FUT6: variants seen among roughly 807,000 people sequenced by gnomAD.
The protein encoded by FUT6 is fucosyltransferase 6.
For synonymous variants in FUT6, 187 were observed against 209.9 expected (o/e 0.89, Z 0.94); for missense variants, 454 against 494.6 (o/e 0.92, Z 0.78).
chr19:5,831,785 C>G lies in FUT6; in HGVS notation c.783G>C (p.Arg261Ser). 2 of 1,613,768 alleles carry G rather than the reference C, an allele frequency of 1.2e-6. No individual in the cohort carries two copies. The highest frequency in any genetic ancestry group is 4.5e-5 in the East Asian group (2 of 44,864). The part of the protein sequence containing the change: ...HPDYITEKLW[R>S]NALEAWAVPV... ...GCACGGCCCAGGCCTCCAGGGCGTT[C>G]CTCCACAGCTTCTCGGTGATGTAGT... Residue 261 changes from arginine to serine, a missense_variant, in exon 3 of 3, where the codon AGG (arginine) becomes AGC (serine). Coordinates refer to ENST00000318336, the MANE Select transcript of FUT6 (RefSeq NM_000150.4). This position sits in a 1 kb window ranked among gnomAD's most constrained non-coding sequence, Gnocchi z 7.0.
chr19:5,830,502 G>A lies in FUT6; in HGVS notation c.*986C>T, dbSNP rs2057073901. 1 of 150,740 alleles carries A rather than the reference G, an allele frequency of 6.6e-6. No individual in the cohort carries two copies. The highest frequency in any genetic ancestry group is 2.5e-5 in the African/African-American group (1 of 40,794). The allele number at this position is 150,740 out of a possible 1,614,324, so 9.3% of individuals were successfully genotyped here. On this transcript the variant is annotated 3_prime_UTR_variant, in exon 3 of 3. Transcript: ENST00000318336. ...GGTTGGAGTGCAGTGGTGCGATCAT[G>A]GCTCCCTACAACATCTGCCTCCTGG...
In FUT6 at chr19:5,831,565, C is replaced by T. The variant is rs748287855; in HGVS notation, c.1003G>A (p.Ala335Thr). The change falls in exon 3 of 3, where the codon GCT becomes ACT. Residue 335 changes from alanine (A) to threonine (T), a missense_variant. Transcript: ENST00000318336. This position sits in a 1 kb window ranked among gnomAD's most constrained non-coding sequence, Gnocchi z 7.0. ...LRPRSFSWAL[A>T]FCKACWKLQE... ...AGTTTCCAGCAGGCCTTGCAGAAAG[C>T]GAGTGCCCAGCTGAAGGAGCGAGGC... 2.6e-5 allele frequency: 42 copies of T among 1,614,044 alleles called. No individual in the cohort carries two copies. Among genetic ancestry groups the T allele is most frequent in the Non-Finnish European group, 2.8e-5 (33 of 1,180,024 alleles).
At position 5,831,583 on chromosome 19, in the gene FUT6, A is replaced by G. The variant is rs774957163; in HGVS notation, c.985T>C (p.Ser329Pro). ...CAGAAAGCGAGTGCCCAGCTGAAGGAGCGAGGCCGCAGCGTCTCCCGCCAG... is the reference window on the plus strand; with the variant it reads ...CAGAAAGCGAGTGCCCAGCTGAAGGGGCGAGGCCGCAGCGTCTCCCGCCAG... The part of the protein sequence containing the change: ...FRWRETLRPR[S>P]FSWALAFCKA... Residue 329 changes from serine to proline, a missense_variant, in exon 3 of 3, where the codon TCC becomes CCC. Physicochemically the swap from Ser to Pro is moderately conservative, Grantham distance 74. Coordinates refer to ENST00000318336, the MANE Select transcript of FUT6 (RefSeq NM_000150.4). This position sits in a 1 kb window ranked among gnomAD's most constrained non-coding sequence, Gnocchi z 7.0. 1 of 1,614,080 alleles carries G rather than the reference A, an allele frequency of 6.2e-7. No individual in the cohort carries two copies. The highest frequency in any genetic ancestry group is 1.1e-5 in the South Asian group (1 of 91,088).
rs62110261 is a variant in FUT6, at chr19:5,831,689, G to C, written c.879C>G (p.Asp293Glu). 6.2e-7 allele frequency: 1 copy of C among 1,607,652 alleles called. No homozygotes were observed. Among genetic ancestry groups the C allele is most frequent in the South Asian group, 1.1e-5 (1 of 90,718 alleles). The change falls in exon 3 of 3, where the codon GAC becomes GAG. Residue 293 changes from aspartate (D) to glutamate (E), a missense_variant. Physicochemically the swap from Asp to Glu is conservative, Grantham distance 45. Transcript: ENST00000318336. The surrounding 1 kb of genome is among the most constrained non-coding windows in gnomAD (Gnocchi z 7.0). ...FLPPDAFIHV[D>E]DFQSPKDLAR... The stretch of plus-strand genomic sequence containing the variant: ...CCAGGTCCTTGGGGCTCTGGAAGTC[G>C]TCCACGTGGATGAAGGCGTCGGGTG...
chr19:5,835,666 G>A (rs12019136), intron 1 of FUT6, among the ~76,000 whole-genome samples: 17,142 of 151,988 alleles, frequency 0.11, 1,835 homozygotes, highest in African/African-American at 0.28. Context: ...CCAGCTACTC[G>A]GGAGGCTGAG....
In FUT6 at chr19:5,831,626, G is replaced by T; in HGVS notation, c.942C>A (p.Arg314=). Residue 314 remains arginine (R), a synonymous_variant, in exon 3 of 3, where the codon CGC becomes CGA. Transcript: ENST00000318336. The surrounding 1 kb of genome is among the most constrained non-coding windows in gnomAD (Gnocchi z 7.0). The part of the protein sequence containing the change: ...YLQELDKDHA[R]YLSYFRWRET... Reference sequence around the variant, plus strand: ...CCCGCCAGCGAAAGTAGCTCAGGTAGCGGGCGTGGTCCTTGTCCAGCTCCT... The same window carrying T: ...CCCGCCAGCGAAAGTAGCTCAGGTATCGGGCGTGGTCCTTGTCCAGCTCCT... 1 of 1,613,718 alleles carries T rather than the reference G, an allele frequency of 6.2e-7. No individual in the cohort carries two copies. The highest frequency in any genetic ancestry group is 1.1e-5 in the South Asian group (1 of 91,062).
intron 2 of FUT6, among the ~76,000 whole-genome samples, chr19:5,834,119 G>A (rs113180603): frequency 0.043 from 6,454 of 149,112 alleles, 453 homozygotes; most frequent in African/African-American, 0.15. Flanking sequence ...GTGACAGAGC[G>A]AGACCCTGTC....
At position 5,831,502 on chromosome 19, in the gene FUT6, C is replaced by T; in HGVS notation, c.1066G>A (p.Ala356Thr). 6.2e-7 allele frequency: 1 copy of T among 1,614,076 alleles called. No individual in the cohort carries two copies. The highest frequency in any genetic ancestry group is 8.5e-7 in the Non-Finnish European group (1 of 1,180,044). ...ACACCAGCCTCTCAGGTGAACCAAG[C>T]CGCTATGCCGCGTGTCTGGTACCTG... ...ESRYQTRGIA[A>T]WFT The change falls in exon 3 of 3, where the codon GCT becomes ACT. Residue 356 changes from alanine (A) to threonine (T), a missense_variant. By Grantham distance (58) the Ala-to-Thr change is moderately conservative. Coordinates refer to ENST00000318336, the MANE Select transcript of FUT6 (RefSeq NM_000150.4). The surrounding 1 kb of genome is among the most constrained non-coding windows in gnomAD (Gnocchi z 7.0).
Position 5,831,363 on chromosome 19 carries a change from C to T in FUT6, c.*125G>A. ...GTGAAGCTGCAACAGGTGACCGTCC[C>T]AGGCAGGTGAGTCCTCAGGCAGGTG... is the stretch of plus-strand genomic sequence containing the variant. On this transcript the variant is annotated 3_prime_UTR_variant, in exon 3 of 3. Transcript: ENST00000318336. This position sits in a 1 kb window ranked among gnomAD's most constrained non-coding sequence, Gnocchi z 7.0. 6.2e-7 allele frequency: 1 copy of T among 1,608,194 alleles called. No individual in the cohort carries two copies. Among genetic ancestry groups the T allele is most frequent in the Non-Finnish European group, 8.5e-7 (1 of 1,178,778 alleles).
chr19:5,833,199 C>T (rs1050832405), intron 2 of FUT6, among the ~76,000 whole-genome samples: 2 of 152,084 alleles, frequency 1.3e-5, no homozygotes, highest in Non-Finnish European at 2.9e-5. Flanking sequence ...CTGTTTTTAC[C>T]ATTGAAAGTA....
In FUT6 at chr19:5,831,235, C is replaced by T. The variant is rs2057085983; in HGVS notation, c.*253G>A. 1.2e-6 allele frequency: 1 copy of T among 847,244 alleles called. No individual in the cohort carries two copies. Among genetic ancestry groups the T allele is most frequent in the Non-Finnish European group, 2.0e-6 (1 of 496,176 alleles). 52.5% of individuals were successfully genotyped at this position (847,244 alleles called of 1,614,324 possible). On this transcript the variant is annotated 3_prime_UTR_variant, in exon 3 of 3. Coordinates refer to ENST00000318336, the MANE Select transcript of FUT6 (RefSeq NM_000150.4). The surrounding 1 kb of genome is among the most constrained non-coding windows in gnomAD (Gnocchi z 7.0). ...CTTCCGCAGGGGACGCTCCTGGAAG[C>T]CAGCATGTGAAATCCCAGGTAAGGG...
In FUT6 at chr19:5,835,722, G is replaced by A. The variant is rs1422739062; in HGVS notation, c.-140-645C>T. 3.3e-5 allele frequency among the ~76,000 whole-genome samples: 5 copies of A among 152,082 alleles called. No homozygotes were observed. The East Asian group carries it at 5.8e-4, about 18-fold the overall frequency. On this transcript the variant is annotated intron_variant, in intron 1 of 2. Transcript: ENST00000318336. ...TGGGAGACAGAGGTTGCAGTGAGCCGAGATTGCACCATTGCCCTCCAGCCT... is the reference window on the plus strand; with the variant it reads ...TGGGAGACAGAGGTTGCAGTGAGCCAAGATTGCACCATTGCCCTCCAGCCT...
chr19:5,833,201 T>C (rs905734296), intron 2 of FUT6, among the ~76,000 whole-genome samples: 2 of 152,158 alleles, frequency 1.3e-5, no homozygotes, highest in Admixed American at 1.3e-4. Context: ...GTTTTTACCA[T>C]TGAAAGTAAT....
rs1022016589 is a variant in FUT6 at position 5,832,322 on chromosome 19, C to T, written c.246G>A (p.Glu82=). The T allele has an allele frequency of 1.9e-6, 3 of 1,614,056 alleles. No individual in the cohort carries two copies. Among genetic ancestry groups the T allele is most frequent in the Non-Finnish European group, 2.5e-6 (3 of 1,180,012 alleles). ...NKPIALPRCS[E]MVPGTADCNI... is the part of the protein sequence containing the mutation. ...TGCAGTCAGCCGTGCCAGGCACCAT[C>T]TCTGAGCAGCGGGGCAGAGCTATGG... The change falls in exon 3 of 3, where the codon GAG becomes GAA. Residue 82 remains glutamate (E), a synonymous_variant. Coordinates refer to ENST00000318336, the MANE Select transcript of FUT6 (RefSeq NM_000150.4). This position sits in a 1 kb window ranked among gnomAD's most constrained non-coding sequence, Gnocchi z 4.3.
At chr19:5,834,145 AAAGAG>A (rs1190615450) in intron 2 of FUT6, among the ~76,000 whole-genome samples, 2 of 152,210 alleles carry the variant, frequency 1.3e-5, no homozygotes, top group African/African-American at 4.8e-5. Context: ...AAGAAAAAAA[AAAGAG>A]AGAATAGAAA....
At position 5,831,385 on chromosome 19, in the gene FUT6, G is replaced by A; in HGVS notation, c.*103C>T. 1 of 1,611,774 alleles carries A rather than the reference G, an allele frequency of 6.2e-7. No individual in the cohort carries two copies. Among genetic ancestry groups the A allele is most frequent in the Non-Finnish European group, 8.5e-7 (1 of 1,179,892 alleles). Reference sequence around the variant, plus strand: ...TCCCAGGCAGGTGAGTCCTCAGGCAGGTGAAGCTTCAGGCAAACGAGTCCT... The same window carrying A: ...TCCCAGGCAGGTGAGTCCTCAGGCAAGTGAAGCTTCAGGCAAACGAGTCCT... On this transcript the variant is annotated 3_prime_UTR_variant, in exon 3 of 3. Transcript: ENST00000318336. This position sits in a 1 kb window ranked among gnomAD's most constrained non-coding sequence, Gnocchi z 7.0.
rs778807 is a variant in FUT6, at chr19:5,830,768, G to A, written c.*720C>T. On this transcript the variant is annotated 3_prime_UTR_variant, in exon 3 of 3. Transcript: ENST00000318336. ...ATTACAGGCATGCACCACCACGCCC[G>A]GCAAATTTTTGTATTTTTAGTAGAG... 1 allele frequency: 164,907 copies of A among 164,918 alleles called. 82,448 individuals are homozygous for A. The highest frequency in any genetic ancestry group is 1 in the Middle Eastern group (304 of 304). The allele number at this position is 164,918 out of a possible 1,614,324, so 10.2% of individuals were successfully genotyped here. A position where few individuals can be genotyped will look rare whatever the true frequency, so the allele number is the denominator to read the frequency against.
rs866783627 is a variant in FUT6, at chr19:5,831,430, C to A, written c.*58G>T. 6.2e-7 allele frequency: 1 copy of A among 1,612,604 alleles called. No homozygotes were observed. The highest frequency in any genetic ancestry group is 8.5e-7 in the Non-Finnish European group (1 of 1,179,580). On this transcript the variant is annotated 3_prime_UTR_variant, in exon 3 of 3. Transcript: ENST00000318336. This position sits in a 1 kb window ranked among gnomAD's most constrained non-coding sequence, Gnocchi z 7.0. ...AGTCCTTAGGTAGATGAGGCCCCCA[C>A]TCAGGTGAGGCCCCAGGAAAATGAG... is the stretch of plus-strand genomic sequence containing the variant.
intron 1 of FUT6, among the ~76,000 whole-genome samples, chr19:5,835,828 C>T (rs2057171546): frequency 6.6e-6 from 1 of 152,156 alleles, no homozygotes; most frequent in South Asian, 2.1e-4. Flanking sequence ...CATGCAGCAT[C>T]AAAATTGGTG....
Sources: gnomAD v4.1 joint callset for allele counts (sites outside exome capture counted in the v4.1 genomes callset) on GRCh38, gnomAD v4.1.1 for gene constraint, Gnocchi (gnomAD v3.1) non-coding constraint, MANE v1.5 for transcripts, NCBI Gene and HGNC (gene_info 2026-07-23, HGNC 2026-07-21) for gene names.